The following WDPCP variants were observed in gnomAD, a reference collection of about 807,000 sequenced individuals.
The protein encoded by WDPCP is WD repeat-containing and planar cell polarity effector protein fritz homolog.
A neutral mutation model predicts 93.1 loss-of-function variants in WDPCP; 71 were observed. The ratio of observed to expected loss-of-function variants is 0.76; its 90% CI spans 0.63 to 0.93. The LOEUF is 0.93. Among genes scored for constraint, WDPCP ranks in the 40% least tolerant of loss-of-function variants. The probability of loss-of-function intolerance (pLI) is 0.00; values close to 1 mark genes in which losing one functional copy is unlikely to be tolerated. For synonymous variants in WDPCP, 315 were observed against 315.0 expected (o/e 1.00, Z 0.00); for missense variants, 844 against 887.4 (o/e 0.95, Z 0.62).
intron 12 of WDPCP, among the ~76,000 whole-genome samples, chr2:63,348,311 C>T (rs1689336358): frequency 6.6e-6 from 1 of 152,130 alleles, no homozygotes; most frequent in South Asian, 2.1e-4. Flanking sequence ...TTACTGCATG[C>T]TATCTCCACA....
At chr2:63,402,728 C>T (rs1296928561) in intron 10 of WDPCP, among the ~76,000 whole-genome samples, 6 of 152,038 alleles carry the variant, frequency 3.9e-5, no homozygotes, top group South Asian at 2.1e-4. Flanking sequence ...CTGCAAGCTC[C>T]GCCTCCCAGG....
intron 9 of WDPCP, among the ~76,000 whole-genome samples, chr2:63,413,059 G>C (rs770848405): frequency 2.0e-5 from 3 of 152,106 alleles, no homozygotes; most frequent in Non-Finnish European, 2.9e-5. Context: ...AGCCCACATA[G>C]CCAAAGCAAG....
chr2:63,162,876 C>G (rs774549486), intron 15 of WDPCP, among the ~76,000 whole-genome samples: 2 of 152,042 alleles, frequency 1.3e-5, no homozygotes, highest in African/African-American at 4.8e-5. Context: ...GAAATTATAC[C>G]TCATTTGACT....
At chr2:63,170,623 A>AAT (rs1673318312) in intron 15 of WDPCP, among the ~76,000 whole-genome samples, 1 of 152,092 alleles carries the variant, frequency 6.6e-6, no homozygotes, top group Non-Finnish European at 1.5e-5. Context: ...TGCTTATTCC[A>AAT]ATGTATCTAA....
chr2:63,586,364 T>C (rs2106569979), intron 1 of WDPCP, among the ~76,000 whole-genome samples: 1 of 152,270 alleles, frequency 6.6e-6, no homozygotes, highest in South Asian at 2.1e-4. Context: ...ACTCCAAATA[T>C]AGCATAACAG....
At chr2:63,371,159 C>T (rs901375268) in intron 12 of WDPCP, among the ~76,000 whole-genome samples, 1 of 152,134 alleles carries the variant, frequency 6.6e-6, no homozygotes, top group African/African-American at 2.4e-5. Context: ...TTGTCAGTAA[C>T]AATTTTGTTT....
chr2:63,404,089 C>G lies in WDPCP; in HGVS notation c.1394G>C (p.Arg465Thr), dbSNP rs777486236. ...CACACCCAAAGGTCCTCTTTCAAAC[C>G]TGAGGAAGAGGAGATCATAGATATC... Reference protein sequence around the residue: ...GSDIYDLLFLRFERGPLGVLL... With the variant: ...GSDIYDLLFLTFERGPLGVLL... The change falls in exon 10 of 18, where the codon AGG (arginine) becomes ACG (threonine). Residue 465 changes from arginine (R) to threonine (T), a missense_variant. Arg to Thr is a moderately conservative substitution (Grantham distance 71). Coordinates refer to ENST00000272321, the MANE Select transcript of WDPCP (RefSeq NM_015910.7). 4 of 1,614,058 alleles carry G rather than the reference C, an allele frequency of 2.5e-6. No homozygotes were observed. In the South Asian group the frequency reaches 4.4e-5, roughly 18 times the overall value.
At chr2:63,267,457 C>CA (rs1203811671) in intron 13 of WDPCP, among the ~76,000 whole-genome samples, 1 of 152,008 alleles carries the variant, frequency 6.6e-6, no homozygotes, top group African/African-American at 2.4e-5. Flanking sequence ...TCCAAAAGCA[C>CA]AAGCAGCAAA....
intron 10 of WDPCP, among the ~76,000 whole-genome samples, chr2:63,386,257 T>C (rs1000478144): frequency 6.6e-6 from 1 of 152,030 alleles, no homozygotes; most frequent in African/African-American, 2.4e-5. Flanking sequence ...AATGGTAAAA[T>C]AATGAAAGGG....
At chr2:63,678,914 C>G (rs262533) in intron 2 of WDPCP, among the ~76,000 whole-genome samples, 123,852 of 152,182 alleles carry the variant, frequency 0.81, 50,991 homozygotes, top group East Asian at 0.98. Flanking sequence ...CTGATCCCTG[C>G]TACATGCTTC....
chr2:63,213,012 A>G (rs1167053466), intron 14 of WDPCP, among the ~76,000 whole-genome samples: 1 of 152,162 alleles, frequency 6.6e-6, no homozygotes, highest in Non-Finnish European at 1.5e-5. Context: ...AGACTCCCAC[A>G]CAATAATAAT....
At chr2:63,451,560 T>C (rs563899515) in intron 6 of WDPCP, among the ~76,000 whole-genome samples, 9 of 152,110 alleles carry the variant, frequency 5.9e-5, no homozygotes, top group South Asian at 4.2e-4. Flanking sequence ...TTCCAATCAA[T>C]AGAAAAAGAG....
intron 14 of WDPCP, among the ~76,000 whole-genome samples, chr2:63,199,399 G>A (rs1675712310): frequency 1.3e-5 from 2 of 152,240 alleles, no homozygotes; most frequent in Admixed American, 6.5e-5. Flanking sequence ...TAGGAGGGAA[G>A]AATAGTTTTG....
chr2:63,184,999 C>G (rs892120213), intron 14 of WDPCP, among the ~76,000 whole-genome samples: 29 of 151,422 alleles, frequency 1.9e-4, no homozygotes, highest in South Asian at 2.1e-4. Flanking sequence ...AGTTATTGAC[C>G]CTTTCAGCCA....
At chr2:63,276,862 C>T (rs1179805377) in intron 13 of WDPCP, among the ~76,000 whole-genome samples, 1 of 152,056 alleles carries the variant, frequency 6.6e-6, no homozygotes, top group East Asian at 1.9e-4. Context: ...CATGAAAATA[C>T]AAGAAGCTCA....
chr2:63,193,095 A>C (rs1675163659), intron 14 of WDPCP, among the ~76,000 whole-genome samples: 1 of 152,218 alleles, frequency 6.6e-6, no homozygotes, highest in African/African-American at 2.4e-5. Context: ...TATATGGAAA[A>C]TTCTGATATT....
chr2:63,764,675 T>A (rs1670112545), intron 2 of WDPCP, among the ~76,000 whole-genome samples: 1 of 152,200 alleles, frequency 6.6e-6, no homozygotes, highest in Non-Finnish European at 1.5e-5. Flanking sequence ...ACCTTGACTT[T>A]CTTGATGAGG....
At chr2:63,182,088 G>A (rs1218286306) in intron 14 of WDPCP, among the ~76,000 whole-genome samples, 1 of 151,926 alleles carries the variant, frequency 6.6e-6, no homozygotes, top group Non-Finnish European at 1.5e-5. Flanking sequence ...ATCATATCAT[G>A]AGCAAACAGA....
intron 12 of WDPCP, among the ~76,000 whole-genome samples, chr2:63,354,972 A>G (rs1689905089): frequency 6.6e-6 from 1 of 152,222 alleles, no homozygotes; most frequent in South Asian, 2.1e-4. Flanking sequence ...TGAATCACTG[A>G]CATCCCTGAA....
Sources: allele counts gnomAD v4.1 joint callset (sites outside exome capture counted in the v4.1 genomes callset), GRCh38; gene constraint gnomAD v4.1.1; transcripts MANE v1.5; gene names NCBI Gene and HGNC (gene_info 2026-07-23, HGNC 2026-07-21).